Variants in NPAS3 observed in about 807,000 individuals in gnomAD.
NPAS3 encodes neuronal PAS domain-containing protein 3.
NPAS3 carries 14 observed loss-of-function variants against 73.1 expected under a neutral mutation model. That is an observed-to-expected ratio of 0.19 (90% CI 0.13 to 0.30). The LOEUF (loss-of-function observed/expected upper bound fraction) is 0.30. NPAS3 is among the 10% of genes least tolerant of loss of function. NPAS3 has a pLI of 1.00. For synonymous variants in NPAS3, 620 were observed against 541.5 expected (o/e 1.14, Z -2.01); for missense variants, 1,096 against 1,250.0 (o/e 0.88, Z 1.86).
intron 6 of NPAS3, among the ~76,000 whole-genome samples, chr14:33,733,050 C>T (rs770528465): frequency 1.6e-4 from 24 of 152,182 alleles, no homozygotes; most frequent in Admixed American, 2.6e-4. Context: ...AGGACCCCAG[C>T]GCTAAAACAG....
At chr14:33,640,730 G>A (rs1368570773) in intron 5 of NPAS3, among the ~76,000 whole-genome samples, 1 of 152,176 alleles carries the variant, frequency 6.6e-6, no homozygotes, top group Non-Finnish European at 1.5e-5. Flanking sequence ...TATATTGACA[G>A]GGAAATAATC....
chr14:33,394,076 C>T (rs971249545), intron 4 of NPAS3, among the ~76,000 whole-genome samples: 4 of 152,136 alleles, frequency 2.6e-5, no homozygotes, highest in African/African-American at 4.8e-5. Flanking sequence ...TTTAAACAAA[C>T]ATTGTCTATG....
intron 5 of NPAS3, chr14:33,608,664 T>G (rs1209423104): frequency 1.3e-5 from 2 of 152,188 alleles, no homozygotes; most frequent in Non-Finnish European, 2.9e-5. Context: ...TTTTTAAGTT[T>G]AGGGCTACAC....
At chr14:33,723,722 AAAAAAAG>A (rs1368648116) in intron 6 of NPAS3, among the ~76,000 whole-genome samples, 9 of 151,738 alleles carry the variant, frequency 5.9e-5, no homozygotes, top group East Asian at 2.0e-4. Context: ...CTCAAAAAAA[AAAAAAAG>A]AAAAGAAAAG....
intron 4 of NPAS3, among the ~76,000 whole-genome samples, chr14:33,492,361 C>T (rs944833746): frequency 6.6e-6 from 1 of 152,126 alleles, no homozygotes; most frequent in Non-Finnish European, 1.5e-5. Context: ...GACTTATATA[C>T]CTGTAACTGT....
chr14:33,023,579 A>G (rs2039683437), intron 1 of NPAS3, among the ~76,000 whole-genome samples: 1 of 152,214 alleles, frequency 6.6e-6, no homozygotes, highest in Non-Finnish European at 1.5e-5. Flanking sequence ...CTGTAGTTTT[A>G]TAATAACCTG....
intron 6 of NPAS3, among the ~76,000 whole-genome samples, chr14:33,709,952 A>C (rs2140489254): frequency 6.6e-6 from 1 of 152,294 alleles, no homozygotes; most frequent in East Asian, 1.9e-4. Flanking sequence ...CTGAAGGTAA[A>C]CCGAAGTGGC....
chr14:33,156,244 T>C (rs1046621541), intron 2 of NPAS3, among the ~76,000 whole-genome samples: 4 of 152,236 alleles, frequency 2.6e-5, no homozygotes, highest in Admixed American at 2.0e-4. Context: ...ATTCTTTAGT[T>C]AAATTTCAAT....
chr14:33,137,374 A>T (rs970849732), intron 2 of NPAS3, among the ~76,000 whole-genome samples: 13 of 152,194 alleles, frequency 8.5e-5, no homozygotes, highest in African/African-American at 2.9e-4. Flanking sequence ...AATCATTTAC[A>T]TGGCATCTTA....
At chr14:33,393,395 A>C (rs139379850) in intron 4 of NPAS3, among the ~76,000 whole-genome samples, 179 of 152,294 alleles carry the variant, frequency 1.2e-3, no homozygotes, top group Middle Eastern at 0.01. Flanking sequence ...TTAGACAAGG[A>C]GAGTCATTAC....
At chr14:32,973,013 T>C (rs1246223963) in intron 1 of NPAS3, among the ~76,000 whole-genome samples, 1 of 152,226 alleles carries the variant, frequency 6.6e-6, no homozygotes, top group Non-Finnish European at 1.5e-5. Context: ...TTTGGTCACA[T>C]TGCCTTCTTT....
chr14:33,471,850 A>G (rs914200338), intron 4 of NPAS3, among the ~76,000 whole-genome samples: 17 of 152,196 alleles, frequency 1.1e-4, no homozygotes, highest in African/African-American at 7.2e-5. Flanking sequence ...GAGAAGCTTC[A>G]TCTGTATTTA....
At chr14:33,014,971 A>C (rs565649315) in intron 1 of NPAS3, among the ~76,000 whole-genome samples, 17 of 152,180 alleles carry the variant, frequency 1.1e-4, no homozygotes, top group African/African-American at 4.1e-4. Context: ...GAGGACTCTT[A>C]CTCGGTACAC....
At position 33,501,633 on chromosome 14, in the gene NPAS3, T is replaced by G. The variant is rs945794492; in HGVS notation, c.469-58488T>G. ...CTCCCTTCTAGAATCTGGATTTGTT[T>G]TTTTTTTTTTTACCTTCAAAAACGG... On this transcript the variant is annotated intron_variant, in intron 4 of 11. Transcript: ENST00000356141. Among the ~76,000 whole-genome samples, 8 of 150,918 alleles carry G rather than the reference T, an allele frequency of 5.3e-5. No homozygotes were observed. In the East Asian group the frequency reaches 1.2e-3, roughly 22 times the overall value.
chr14:33,623,367 C>G (rs892442369), intron 5 of NPAS3, among the ~76,000 whole-genome samples: 1 of 152,188 alleles, frequency 6.6e-6, no homozygotes, highest in African/African-American at 2.4e-5. Flanking sequence ...AATGACAACT[C>G]AGGCCAAAAT....
At chr14:33,184,341 G>T (rs141183580) in intron 2 of NPAS3, among the ~76,000 whole-genome samples, 1 of 152,132 alleles carries the variant, frequency 6.6e-6, no homozygotes, top group African/African-American at 2.4e-5. Flanking sequence ...GTGAGAGAAG[G>T]GCTGACCAAT....
intron 4 of NPAS3, among the ~76,000 whole-genome samples, chr14:33,483,400 A>G (rs913863102): frequency 2.6e-5 from 4 of 152,158 alleles, no homozygotes; most frequent in Non-Finnish European, 5.9e-5. Flanking sequence ...CACTAGGACT[A>G]TACATTTCCA....
intron 4 of NPAS3, among the ~76,000 whole-genome samples, chr14:33,494,926 AC>A (rs1444197437): frequency 6.6e-6 from 1 of 152,048 alleles, no homozygotes; most frequent in Non-Finnish European, 1.5e-5. Context: ...GCCATGCACA[AC>A]CCGCAGAGTC....
chr14:33,097,966 T>C (rs900592211), intron 2 of NPAS3, among the ~76,000 whole-genome samples: 2 of 152,184 alleles, frequency 1.3e-5, no homozygotes, highest in Non-Finnish European at 2.9e-5. Context: ...ATTTCACTCA[T>C]TTAATTGTAT....
Sources: gnomAD v4.1 joint callset for allele counts (sites outside exome capture counted in the v4.1 genomes callset) on GRCh38, gnomAD v4.1.1 for gene constraint, MANE v1.5 for transcripts, NCBI Gene and HGNC (gene_info 2026-07-23, HGNC 2026-07-21) for gene names.